Variants in TMEM229B observed in about 807,000 individuals in gnomAD.
TMEM229B encodes transmembrane protein 229B.
A neutral mutation model predicts 13.7 loss-of-function variants in TMEM229B; 6 were observed. The ratio of observed to expected loss-of-function variants is 0.44; its 90% confidence interval spans 0.24 to 0.86. The LOEUF is 0.86. Among genes scored for constraint, TMEM229B ranks in the 40% least tolerant of loss-of-function variants. The pLI, the probability that TMEM229B is intolerant of heterozygous loss-of-function variation, is 0.23. For missense variants in TMEM229B, 170 were observed against 236.0 expected (o/e 0.72, Z 1.83); for synonymous variants, 107 against 102.1 (o/e 1.05, Z -0.29).
intron 1 of TMEM229B, among the ~76,000 whole-genome samples, chr14:67,498,281 T>TG (rs1214452094): frequency 6.6e-6 from 1 of 152,186 alleles, no homozygotes; most frequent in Admixed American, 6.5e-5. Context: ...TGAGCCACGA[T>TG]GGGGGGTGGG....
intron 1 of TMEM229B, among the ~76,000 whole-genome samples, chr14:67,511,046 C>T (rs533741702): frequency 1.3e-5 from 2 of 152,280 alleles, no homozygotes; most frequent in East Asian, 3.9e-4. Flanking sequence ...CTCCTCAGGG[C>T]TGATGTCAAG....
chr14:67,507,465 A>C (rs2032868675), intron 1 of TMEM229B, among the ~76,000 whole-genome samples: 1 of 152,196 alleles, frequency 6.6e-6, no homozygotes, highest in Admixed American at 6.5e-5. Flanking sequence ...CAGACCCTGG[A>C]GTCCCCAGGG....
chr14:67,475,910 C>T (rs972992469), intron 2 of TMEM229B, among the ~76,000 whole-genome samples: 3 of 152,230 alleles, frequency 2.0e-5, no homozygotes, highest in African/African-American at 4.8e-5. Context: ...ATGTGAACTC[C>T]TTGAGGATAG....
At chr14:67,487,913 T>C (rs371869955) in intron 1 of TMEM229B, among the ~76,000 whole-genome samples, 1 of 152,186 alleles carries the variant, frequency 6.6e-6, no homozygotes, top group Admixed American at 6.5e-5. Flanking sequence ...CGTGAGCCAC[T>C]GTGCCTGGCC....
At chr14:67,510,029 A>AG (rs34664661) in intron 1 of TMEM229B, among the ~76,000 whole-genome samples, 94,598 of 151,326 alleles carry the variant, frequency 0.63, 31,564 homozygotes, top group Non-Finnish European at 0.76. Flanking sequence ...TTTTTTATTA[A>AG]AAAAAAAAAG....
At chr14:67,479,059 C>CT (rs887038118) in intron 2 of TMEM229B, among the ~76,000 whole-genome samples, 6 of 152,170 alleles carry the variant, frequency 3.9e-5, no homozygotes, top group East Asian at 1.9e-4. Flanking sequence ...TTTCTGCATA[C>CT]TTTTTTTTCC....
chr14:67,494,439 C>G (rs562109792), intron 1 of TMEM229B, among the ~76,000 whole-genome samples: 1 of 152,204 alleles, frequency 6.6e-6, no homozygotes, highest in Non-Finnish European at 1.5e-5. Context: ...AGGCAGTGTG[C>G]CTGTGGGTTC....
intron 1 of TMEM229B, among the ~76,000 whole-genome samples, chr14:67,524,254 T>TAG (rs1008919865): frequency 9.2e-5 from 14 of 152,210 alleles, no homozygotes; most frequent in Non-Finnish European, 8.8e-5. Context: ...AACCTGGCTC[T>TAG]GTTTTTACTG....
At chr14:67,514,769 C>G (rs1034910408) in intron 1 of TMEM229B, among the ~76,000 whole-genome samples, 5 of 152,130 alleles carry the variant, frequency 3.3e-5, no homozygotes, top group African/African-American at 1.2e-4. Flanking sequence ...CCCTGACACC[C>G]CTTTGTTTCA....
chr14:67,508,353 T>C (rs1202416288), intron 1 of TMEM229B, among the ~76,000 whole-genome samples: 2 of 152,116 alleles, frequency 1.3e-5, no homozygotes, highest in Non-Finnish European at 2.9e-5. Context: ...CTGGATCATC[T>C]AGCATTATTA....
At chr14:67,499,683 C>T (rs10438155) in intron 1 of TMEM229B, among the ~76,000 whole-genome samples, 16,938 of 151,964 alleles carry the variant, frequency 0.11, 1,002 homozygotes, top group African/African-American at 0.16. Context: ...GGAATAGGGG[C>T]AGAGAAGTGA....
chr14:67,479,459 T>A (rs558383728), intron 2 of TMEM229B, among the ~76,000 whole-genome samples: 1 of 149,156 alleles, frequency 6.7e-6, no homozygotes, highest in Non-Finnish European at 1.5e-5. Context: ...AGCTCATGCC[T>A]GTAATCCCAG....
intron 1 of TMEM229B, among the ~76,000 whole-genome samples, chr14:67,498,614 AG>A: frequency 6.6e-6 from 1 of 152,360 alleles, no homozygotes; most frequent in African/African-American, 2.4e-5. Flanking sequence ...GAGCAGAATT[AG>A]GGTGGCTTCA....
chr14:67,509,854 A>G (rs931102831), intron 1 of TMEM229B, among the ~76,000 whole-genome samples: 3 of 152,108 alleles, frequency 2.0e-5, no homozygotes, highest in African/African-American at 7.2e-5. Context: ...GTCTCCATAT[A>G]AACAATTTTA....
intron 1 of TMEM229B, among the ~76,000 whole-genome samples, chr14:67,503,941 A>G (rs1282969796): frequency 6.6e-6 from 1 of 151,582 alleles, no homozygotes; most frequent in Non-Finnish European, 1.5e-5. Flanking sequence ...TGACCTCGTG[A>G]TCTGCCTGCC....
At chr14:67,495,632 C>T (rs1177309594) in intron 1 of TMEM229B, among the ~76,000 whole-genome samples, 1 of 152,136 alleles carries the variant, frequency 6.6e-6, no homozygotes, top group African/African-American at 2.4e-5. Flanking sequence ...ACAGGTGCCC[C>T]GCCACCATGC....
At chr14:67,501,325 C>G (rs2032603092) in intron 1 of TMEM229B, among the ~76,000 whole-genome samples, 1 of 151,856 alleles carries the variant, frequency 6.6e-6, no homozygotes, top group East Asian at 1.9e-4. Flanking sequence ...TAAGGGAGTG[C>G]CAAAATATTT....
intron 1 of TMEM229B, among the ~76,000 whole-genome samples, chr14:67,498,310 C>T (rs1050976132): frequency 6.6e-6 from 1 of 152,144 alleles, no homozygotes; most frequent in Admixed American, 6.6e-5. Flanking sequence ...CTGTGGTTCT[C>T]CCTGTGCACA....
At chr14:67,477,596 C>A (rs528595112) in intron 2 of TMEM229B, among the ~76,000 whole-genome samples, 13 of 152,154 alleles carry the variant, frequency 8.5e-5, no homozygotes, top group Admixed American at 3.3e-4. Context: ...ACAGCTCCCC[C>A]TAATGTCCCA....
Sources: allele counts gnomAD v4.1 joint callset (sites outside exome capture counted in the v4.1 genomes callset), GRCh38; gene constraint gnomAD v4.1.1; transcripts MANE v1.5; gene names NCBI Gene and HGNC (gene_info 2026-07-23, HGNC 2026-07-21).